SCAF8: variants seen among roughly 807,000 people sequenced by gnomAD.
SCAF8 encodes the protein SR-related and CTD-associated factor 8.
Under a neutral mutation model 140.5 loss-of-function variants are expected in SCAF8, and 23 were observed. That is an observed-to-expected ratio of 0.16 (90% confidence interval 0.12 to 0.23). The LOEUF is 0.23. Ranked by LOEUF, SCAF8 falls within the 10% of genes least tolerant of loss-of-function variation. The pLI, the probability that SCAF8 is intolerant of heterozygous loss-of-function variation, is 1.00. For synonymous variants in SCAF8, 575 were observed against 528.9 expected (o/e 1.09, Z -1.20); for missense variants, 1,397 against 1,555.7 (o/e 0.90, Z 1.72).
chr6:154,771,116 A>G (rs1776753357), intron 1 of SCAF8, among the ~76,000 whole-genome samples: 1 of 152,246 alleles, frequency 6.6e-6, no homozygotes, highest in Admixed American at 6.5e-5. Flanking sequence ...GTCAGTCAGC[A>G]TCACCCTGTG....
At chr6:154,739,684 T>G (rs990057520) in intron 1 of SCAF8, among the ~76,000 whole-genome samples, 11 of 152,250 alleles carry the variant, frequency 7.2e-5, no homozygotes, top group Non-Finnish European at 1.6e-4. Flanking sequence ...GATTAATCTT[T>G]AAACTGTTCC....
chr6:154,796,139 T>C (rs1777593889), intron 6 of SCAF8, among the ~76,000 whole-genome samples: 1 of 152,196 alleles, frequency 6.6e-6, no homozygotes, highest in Admixed American at 6.5e-5. Context: ...GTGTACTCAT[T>C]GTTACTTTTT....
intron 6 of SCAF8, among the ~76,000 whole-genome samples, chr6:154,798,259 A>G (rs1018444245): frequency 6.6e-6 from 1 of 151,606 alleles, no homozygotes; most frequent in Non-Finnish European, 1.5e-5. Context: ...ACTAGAGATA[A>G]TACTTTGGCT....
chr6:154,799,548 A>G (rs761534335), intron 6 of SCAF8, among the ~76,000 whole-genome samples: 1 of 150,318 alleles, frequency 6.7e-6, no homozygotes, highest in Non-Finnish European at 1.5e-5. Flanking sequence ...TATGTTGCCC[A>G]CCCCCAACCC....
chr6:154,811,767 C>T (rs1778098747), intron 12 of SCAF8, among the ~76,000 whole-genome samples: 1 of 151,632 alleles, frequency 6.6e-6, no homozygotes, highest in South Asian at 2.1e-4. Flanking sequence ...CAATTCTCAC[C>T]TATGAGTGAG....
intron 1 of SCAF8, 107 bp downstream of exon 1, chr6:154,734,037 G>A (rs1778340009): frequency 1.4e-6 from 2 of 1,407,490 alleles, no homozygotes; most frequent in Admixed American, 3.2e-5. Context: ...TTTAAGGGTG[G>A]GGTGAGCGGT....
intron 1 of SCAF8, among the ~76,000 whole-genome samples, chr6:154,742,953 AT>A (rs35031480): frequency 3.3e-5 from 5 of 151,530 alleles, no homozygotes; most frequent in African/African-American, 1.2e-4. Flanking sequence ...CGGCCTAGGG[AT>A]TTTTTTTTCC....
Position 154,752,714 on chromosome 6 carries a change from A to G in SCAF8, c.30+18784A>G, listed in dbSNP as rs1359140686. ...CAGACAGTTATAAAATACAGACTAT[A>G]ATGTATTTTGCTTGTTTGTTTTTTT... is the stretch of plus-strand genomic sequence containing the variant. On this transcript the variant is annotated intron_variant, in intron 1 of 19. Transcript: ENST00000367178. 2.6e-5 allele frequency among the ~76,000 whole-genome samples: 4 copies of G among 152,064 alleles called. No individual in the cohort carries two copies. In the East Asian group the frequency reaches 7.7e-4, roughly 29 times the overall value.
chr6:154,752,193 T>A (rs925568497), intron 1 of SCAF8, among the ~76,000 whole-genome samples: 1 of 152,218 alleles, frequency 6.6e-6, no homozygotes, highest in African/African-American at 2.4e-5. Context: ...TCAAAATTAA[T>A]ATGGTTGCTG....
intron 3 of SCAF8, among the ~76,000 whole-genome samples, chr6:154,786,942 A>G (rs568679185): frequency 1.2e-4 from 18 of 152,356 alleles, no homozygotes; most frequent in African/African-American, 4.3e-4. Flanking sequence ...AGTGAAGGAA[A>G]TTCTGTCCCA....
At chr6:154,804,252 T>C (rs755530647) in intron 8 of SCAF8, among the ~76,000 whole-genome samples, 5 of 152,150 alleles carry the variant, frequency 3.3e-5, no homozygotes, top group Non-Finnish European at 7.4e-5. Flanking sequence ...AAGTTATTAG[T>C]TGTATATATT....
rs980887931 is a variant in SCAF8 at position 154,812,102 on chromosome 6, T to TA, written c.1420+1900dup. Among the ~76,000 whole-genome samples the TA allele has an allele frequency of 6.6e-5, 10 of 150,632 alleles. No homozygotes were observed. In the East Asian group the frequency reaches 9.8e-4, roughly 15 times the overall value. ...AAAAAGAAAATAAAAAGCACGTGAA[T>TA]AAAAAACGCATAACCAAATACAGGC... is the stretch of plus-strand genomic sequence containing the variant. On this transcript the variant is annotated intron_variant, in intron 12 of 19. Coordinates refer to ENST00000367178, the MANE Select transcript of SCAF8 (RefSeq NM_014892.5).
In SCAF8 at chr6:154,832,444, A is replaced by G. The variant is rs1778774280; in HGVS notation, c.2865A>G (p.Pro955=). The change falls in exon 20 of 20, where the codon CCA becomes CCG. Residue 955 remains proline, a synonymous_variant. Transcript: ENST00000367178. ...GIPPQRGIPP[P]SVLDSALHPP... ...CACCCCAACGGGGAATCCCACCCCC[A>G]TCGGTACTTGATTCAGCTCTTCATC... 1.2e-6 allele frequency: 2 copies of G among 1,614,048 alleles called. No individual in the cohort carries two copies. Among genetic ancestry groups the G allele is most frequent in the African/African-American group, 1.3e-5 (1 of 75,008 alleles).
chr6:154,820,725 A>C (rs995632327), intron 15 of SCAF8, among the ~76,000 whole-genome samples: 4 of 152,194 alleles, frequency 2.6e-5, no homozygotes, highest in African/African-American at 9.7e-5. Context: ...AATAGCAGCA[A>C]TAGAATCGTA....
rs531883450 is a variant in SCAF8, at chr6:154,742,843, A to G, written c.30+8913A>G. On this transcript the variant is annotated intron_variant, in intron 1 of 19. Coordinates refer to ENST00000367178, the MANE Select transcript of SCAF8 (RefSeq NM_014892.5). ...AAATTTGTTTTTAAAATAATTCTGC[A>G]ACTTAATGTGATTTATATAGATTGA... Among the ~76,000 whole-genome samples, 94 of 152,322 alleles carry G rather than the reference A, an allele frequency of 6.2e-4. 6 individuals are homozygous for G. In the South Asian group the frequency reaches 0.012, roughly 20 times the overall value.
chr6:154,824,665 G>A (rs1275781342), intron 17 of SCAF8, among the ~76,000 whole-genome samples: 5 of 152,194 alleles, frequency 3.3e-5, no homozygotes, highest in East Asian at 1.9e-4. Flanking sequence ...AACCATGGCC[G>A]GGCATGGTGG....
At chr6:154,739,944 G>C (rs969974015) in intron 1 of SCAF8, among the ~76,000 whole-genome samples, 1 of 152,076 alleles carries the variant, frequency 6.6e-6, no homozygotes, top group Admixed American at 6.5e-5. Context: ...CTTTGTTGAT[G>C]GTTCAGGATA....
At chr6:154,819,844 T>A (rs1269787216) in intron 14 of SCAF8, among the ~76,000 whole-genome samples, 1 of 151,966 alleles carries the variant, frequency 6.6e-6, no homozygotes, top group Non-Finnish European at 1.5e-5. Context: ...CAAAAATTAG[T>A]TGGGCATGGT....
intron 1 of SCAF8, chr6:154,741,855 C>T (rs1778579372): frequency 5.6e-6 from 4 of 712,156 alleles, no homozygotes; most frequent in Non-Finnish European, 9.7e-6. Flanking sequence ...AGAATGTAAT[C>T]AACCTTGACC....
Sources: allele counts gnomAD v4.1 joint callset (sites outside exome capture counted in the v4.1 genomes callset), GRCh38; gene constraint gnomAD v4.1.1; transcripts MANE v1.5; gene names NCBI Gene and HGNC (gene_info 2026-07-23, HGNC 2026-07-21).